CLEC16A: variants seen among roughly 807,000 people sequenced by gnomAD.
The protein encoded by CLEC16A is protein CLEC16A.
A neutral mutation model predicts 109.5 loss-of-function variants in CLEC16A; 51 were observed. That is an observed-to-expected ratio of 0.47 (90% CI 0.37 to 0.59). CLEC16A has a LOEUF of 0.59. CLEC16A is among the 20% of genes least tolerant of loss of function. The pLI, the probability that CLEC16A is intolerant of heterozygous loss-of-function variation, is 0.00. For synonymous variants in CLEC16A, 673 were observed against 564.2 expected (o/e 1.19, Z -2.73); for missense variants, 1,339 against 1,394.0 (o/e 0.96, Z 0.63).
rs1357548540 is a variant in CLEC16A at position 11,061,018 on chromosome 16, T to C, written c.2112T>C (p.Asp704=). Residue 704 remains aspartate (D), a synonymous_variant, in exon 19 of 24, where the codon GAT becomes GAC. Transcript: ENST00000409790. ...TGATCAAGACTGATGATGTCCTGGA[T>C]CTGAGTGAGTTGGCTGCTCTGAGTC... ...EDLIKTDDVL[D]LNNSDLIACT... is the part of the protein sequence containing the mutation. The C allele has an allele frequency of 6.2e-7, 1 of 1,605,646 alleles. No individual in the cohort carries two copies.
chr16:10,972,092 C>T (rs1056090398), intron 5 of CLEC16A, among the ~76,000 whole-genome samples: 2 of 152,212 alleles, frequency 1.3e-5, no homozygotes, highest in African/African-American at 4.8e-5. Flanking sequence ...CCATATCCAG[C>T]CATCAGACAT....
At chr16:11,081,188 C>T (rs2049693874) in intron 19 of CLEC16A, among the ~76,000 whole-genome samples, 1 of 152,230 alleles carries the variant, frequency 6.6e-6, no homozygotes, top group Non-Finnish European at 1.5e-5. Context: ...GACCTTGCAG[C>T]CCCGGTGCAG....
chr16:11,028,446 T>C (rs1389172804), intron 13 of CLEC16A, among the ~76,000 whole-genome samples: 2 of 151,952 alleles, frequency 1.3e-5, no homozygotes, highest in Non-Finnish European at 2.9e-5. Flanking sequence ...AAGGACATAA[T>C]TGAATCTGGA....
At chr16:11,139,449 T>G (rs2053721508) in intron 22 of CLEC16A, among the ~76,000 whole-genome samples, 1 of 152,214 alleles carries the variant, frequency 6.6e-6, no homozygotes, top group Admixed American at 6.5e-5. Context: ...ACACACAGTA[T>G]TATTTTTTTT....
intron 4 of CLEC16A, among the ~76,000 whole-genome samples, chr16:10,969,619 G>A (rs1177103079): frequency 6.6e-6 from 1 of 152,210 alleles, no homozygotes; most frequent in Non-Finnish European, 1.5e-5. Context: ...AAAGTGTTAG[G>A]ATTACAGGCA....
chr16:10,963,276 A>G (rs62028151), intron 3 of CLEC16A, among the ~76,000 whole-genome samples: 3,374 of 152,212 alleles, frequency 0.022, 50 homozygotes, highest in South Asian at 0.03. Flanking sequence ...TTATGACCTC[A>G]TTAACCTTAA....
chr16:11,152,760 G>T (rs944322155), intron 22 of CLEC16A, among the ~76,000 whole-genome samples: 1 of 152,168 alleles, frequency 6.6e-6, no homozygotes, highest in Non-Finnish European at 1.5e-5. Flanking sequence ...CCACAATCTC[G>T]CCAGTCAGGT....
chr16:11,180,565 G>A lies in CLEC16A; in HGVS notation c.*1875G>A, dbSNP rs1203954116. 6.6e-6 allele frequency: 1 copy of A among 152,342 alleles called. No homozygotes were observed. The highest frequency in any genetic ancestry group is 2.4e-5 in the African/African-American group (1 of 41,478). The allele number at this position is 152,342 out of a possible 1,614,324, so 9.4% of individuals were successfully genotyped here. ...ACACGCCACACCCAGCAGGCAGCCT[G>A]TGTGTTGCTTAATTTTTTAAGAGCA... On this transcript the variant is annotated 3_prime_UTR_variant, in exon 24 of 24. Coordinates refer to ENST00000409790, the MANE Select transcript of CLEC16A (RefSeq NM_015226.3).
At chr16:10,962,430 T>A (rs1031567344) in intron 2 of CLEC16A, 25 bp from the exon 3 acceptor site, 15 of 1,613,656 alleles carry the variant, frequency 9.3e-6, no homozygotes, top group Non-Finnish European at 1.3e-5. Context: ...AGCAAGCCAC[T>A]GATGCTTTTC....
In CLEC16A at chr16:11,174,724, T is replaced by C. The variant is rs1471575388; in HGVS notation, c.2807-3611T>C. On this transcript the variant is annotated intron_variant, in intron 23 of 23. Coordinates refer to ENST00000409790, the MANE Select transcript of CLEC16A (RefSeq NM_015226.3). This position sits in a 1 kb window ranked among gnomAD's most constrained non-coding sequence, Gnocchi z 4.7. ...AAAGCAACCAAGAAGTCTCCTCATTTCTTTTTTCCTTTCTTCCCCTAGTCT... is the reference window on the plus strand; with the variant it reads ...AAAGCAACCAAGAAGTCTCCTCATTCCTTTTTTCCTTTCTTCCCCTAGTCT... Among the ~76,000 whole-genome samples the C allele has an allele frequency of 6.6e-6, 1 of 152,272 alleles. No individual in the cohort carries two copies. Among genetic ancestry groups the C allele is most frequent in the Non-Finnish European group, 1.5e-5 (1 of 68,048 alleles).
chr16:11,099,923 A>G (rs2050814582), intron 19 of CLEC16A, among the ~76,000 whole-genome samples: 1 of 152,182 alleles, frequency 6.6e-6, no homozygotes, highest in Non-Finnish European at 1.5e-5. Context: ...GGCAGGAAGC[A>G]GAGACAGTGG....
intron 11 of CLEC16A, among the ~76,000 whole-genome samples, chr16:11,018,773 A>G (rs939697628): frequency 7.3e-5 from 11 of 151,558 alleles, no homozygotes; most frequent in Non-Finnish European, 1.3e-4. Context: ...AAATGGAGAC[A>G]AGCTTGGGAT....
At chr16:11,092,070 C>G (rs2050334206) in intron 19 of CLEC16A, among the ~76,000 whole-genome samples, 1 of 152,164 alleles carries the variant, frequency 6.6e-6, no homozygotes, top group Non-Finnish European at 1.5e-5. Context: ...TTAGGCCAAG[C>G]ACAGTGGCTC....
Position 11,179,498 on chromosome 16 carries a change from C to T in CLEC16A, c.*808C>T, listed in dbSNP as rs1363365956. On this transcript the variant is annotated 3_prime_UTR_variant, in exon 24 of 24. Coordinates refer to ENST00000409790, the MANE Select transcript of CLEC16A (RefSeq NM_015226.3). The stretch of plus-strand genomic sequence containing the variant: ...CTGCTATAGCAGCCGAGAGGCCTCC[C>T]ATCATGGAAAGATTTCTCCAGGAAA... The T allele has an allele frequency of 6.6e-6, 1 of 152,234 alleles. No individual in the cohort carries two copies. The highest frequency in any genetic ancestry group is 2.4e-5 in the African/African-American group (1 of 41,454). The allele number at this position is 152,234 out of a possible 1,614,324, so 9.4% of individuals were successfully genotyped here.
rs139132592 is a variant in CLEC16A, at chr16:11,102,279, G to T, written c.2117-18336G>T. Among the ~76,000 whole-genome samples the T allele has an allele frequency of 8.5e-4, 130 of 152,310 alleles. 1 individual carries two copies. In the East Asian group the frequency reaches 0.021, roughly 25 times the overall value. The stretch of plus-strand genomic sequence containing the variant: ...GTTTCACTTAAATCACATGCTTCCA[G>T]AATGTTGCTCTGCTGCCCAAAGTTT... On this transcript the variant is annotated intron_variant, in intron 19 of 23. Coordinates refer to ENST00000409790, the MANE Select transcript of CLEC16A (RefSeq NM_015226.3).
intron 1 of CLEC16A, among the ~76,000 whole-genome samples, chr16:10,950,451 C>T (rs186406277): frequency 6.6e-6 from 1 of 152,224 alleles, no homozygotes; most frequent in South Asian, 2.1e-4. Context: ...CCATGACTTT[C>T]TCTAGGGCTA....
At chr16:11,123,276 C>A (rs897152018) in intron 20 of CLEC16A, among the ~76,000 whole-genome samples, 1 of 152,134 alleles carries the variant, frequency 6.6e-6, no homozygotes, top group Non-Finnish European at 1.5e-5. Context: ...TGGTTGCCAA[C>A]GATGTCCCCT....
At chr16:10,955,578 G>A (rs1001008942) in intron 1 of CLEC16A, among the ~76,000 whole-genome samples, 1 of 152,184 alleles carries the variant, frequency 6.6e-6, no homozygotes, top group Non-Finnish European at 1.5e-5. Flanking sequence ...GACAGCAAGG[G>A]CATTCTAAGC....
chr16:11,107,246 AT>A (rs34729335), intron 19 of CLEC16A, among the ~76,000 whole-genome samples: 70,113 of 149,354 alleles, frequency 0.47, 16,609 homozygotes, highest in African/African-American at 0.57. Context: ...CCACCAGTAC[AT>A]TTTTTTTTTT....
Sources: allele counts gnomAD v4.1 joint callset (sites outside exome capture counted in the v4.1 genomes callset), GRCh38; gene constraint gnomAD v4.1.1; non-coding constraint Gnocchi (gnomAD v3.1); transcripts MANE v1.5; gene names NCBI Gene and HGNC (gene_info 2026-07-23, HGNC 2026-07-21).